Variants in EPHA10 observed in about 807,000 individuals in gnomAD.
EPHA10 encodes the protein ephrin type-A receptor 10.
A neutral mutation model predicts 109.7 loss-of-function variants in EPHA10; 120 were observed. The observed-to-expected ratio is 1.09, with a 90% CI of 0.94 to 1.27. The LOEUF (loss-of-function observed/expected upper bound fraction) is 1.27. Among genes scored for constraint, EPHA10 ranks in the 50% most tolerant of loss-of-function variants. EPHA10 has a pLI of 0.00. For synonymous variants in EPHA10, 640 were observed against 618.9 expected, an observed-to-expected ratio of 1.03 and a Z score of -0.51; for missense variants, 1,396 against 1,411.1, an observed-to-expected ratio of 0.99 and a Z score of 0.17.
rs1025874612 is a variant in EPHA10 at position 37,718,347 on chromosome 1, C to T, written c.*25G>A. 6 of 1,570,544 alleles carry T rather than the reference C, an allele frequency of 3.8e-6. No homozygotes were observed. Among genetic ancestry groups the T allele is most frequent in the Admixed American group, 1.8e-5 (1 of 56,504 alleles). On this transcript the variant is annotated 3_prime_UTR_variant, in exon 17 of 17. Transcript: ENST00000373048. ...TGGGGGACTGGACCCCCACCGGAGT[C>T]CTGCCTTGGAAGAATGGGGTCCACT...
At chr1:37,748,710 A>T (rs974996771) in intron 5 of EPHA10, among the ~76,000 whole-genome samples, 14 of 152,150 alleles carry the variant, frequency 9.2e-5, no homozygotes, top group Non-Finnish European at 1.6e-4. Context: ...CCATTAATAG[A>T]ATTCATCATA....
In EPHA10 at chr1:37,761,832, A is replaced by G. The variant is rs1569773550; in HGVS notation, c.423T>C (p.Arg141=). 1 of 1,613,070 alleles carries G rather than the reference A, an allele frequency of 6.2e-7. No homozygotes were observed. Among genetic ancestry groups the G allele is most frequent in the African/African-American group, 1.3e-5 (1 of 74,954 alleles). The change falls in exon 3 of 17, where the codon CGT becomes CGC. Residue 141 remains arginine (R), a synonymous_variant. Transcript: ENST00000373048. ...GGGGCCGGCTGCCGCCTAGGCGGGG[A>G]CGCCCACGGCCCAGGTCGGCCTCAG... ...LETEADLGRG[R]PRLGGSRPRK... is the part of the protein sequence containing the mutation.
intron 5 of EPHA10, among the ~76,000 whole-genome samples, chr1:37,740,365 G>C (rs572104046): frequency 1.3e-5 from 2 of 152,174 alleles, no homozygotes; most frequent in South Asian, 4.2e-4. Flanking sequence ...GAGAGCAGGG[G>C]CGGGATCTCG....
chr1:37,732,863 C>CTATTTTTTTTTTT (rs1646008826), intron 6 of EPHA10, among the ~76,000 whole-genome samples: 1 of 25,006 alleles, frequency 4.0e-5, no homozygotes, highest in African/African-American at 1.3e-4. Context: ...TATACTTGTT[C>CTATTTTTTTTTTT]TTTTTTTTTT....
At chr1:37,757,992 C>A (rs142351023) in intron 3 of EPHA10, among the ~76,000 whole-genome samples, 45 of 152,322 alleles carry the variant, frequency 3.0e-4, no homozygotes, top group African/African-American at 9.6e-4. Context: ...TGAAGGCCAG[C>A]CCCTCTGTCT....
chr1:37,762,953 A>G, intron 1 of EPHA10, 104 bp from the exon 2 acceptor site: 5 of 1,101,018 alleles, frequency 4.5e-6, no homozygotes, highest in Non-Finnish European at 6.5e-6. Context: ...AGAGAATGCA[A>G]TATGTGACAA....
chr1:37,727,064 C>T, intron 8 of EPHA10, 38 bp downstream of exon 8: 1 of 1,543,216 alleles, frequency 6.5e-7, no homozygotes, highest in Non-Finnish European at 8.9e-7. Context: ...CGGGACATGA[C>T]CCACCAGGAG....
At chr1:37,729,493 A>G (rs949066920) in intron 7 of EPHA10, among the ~76,000 whole-genome samples, 1 of 152,208 alleles carries the variant, frequency 6.6e-6, no homozygotes, top group Non-Finnish European at 1.5e-5. Flanking sequence ...AGGCCAAGAC[A>G]GGAGAATTGC....
Position 37,736,253 on chromosome 1 carries a change from G to A in EPHA10, c.1358-863C>T, listed in dbSNP as rs116306202. Among the ~76,000 whole-genome samples, 444 of 152,198 alleles carry A rather than the reference G, an allele frequency of 2.9e-3. 5 individuals are homozygous for A. Among genetic ancestry groups the A allele is most frequent in the African/African-American group, 0.01 (434 of 41,544 alleles). ...ACTTGACGTCAGGTCGAGGCAGGTG[G>A]ACCACTTGAGGCCAGGAGTTCGAGA... On this transcript the variant is annotated intron_variant, in intron 5 of 16. Transcript: ENST00000373048.
At chr1:37,722,428 A>T (rs944987337) in intron 10 of EPHA10, 2 of 234,942 alleles carry the variant, frequency 8.5e-6, no homozygotes, top group Non-Finnish European at 1.7e-5. Context: ...GTCTGGAGAC[A>T]GTGTCAGGGG....
intron 10 of EPHA10, chr1:37,722,401 C>T (rs986110876): frequency 8.9e-6 from 2 of 223,792 alleles, no homozygotes; most frequent in Non-Finnish European, 1.8e-5. Flanking sequence ...TGCCCCTTTC[C>T]GGCTTCTGTC....
intron 3 of EPHA10, among the ~76,000 whole-genome samples, chr1:37,755,522 A>AAC (rs1057429815): frequency 6.6e-6 from 1 of 152,104 alleles, no homozygotes; most frequent in Non-Finnish European, 1.5e-5. Context: ...CACTTCTCAG[A>AAC]ACACAGGTTG....
At chr1:37,719,806 G>C (rs1569619701) in intron 14 of EPHA10, 103 bp downstream of exon 14, 1 of 1,574,760 alleles carries the variant, frequency 6.4e-7, no homozygotes, top group African/African-American at 1.4e-5. Context: ...AGAGAAGAGG[G>C]GCCTGAGGCA....
At chr1:37,738,298 C>A (rs970212924) in intron 5 of EPHA10, among the ~76,000 whole-genome samples, 22 of 151,892 alleles carry the variant, frequency 1.4e-4, no homozygotes, top group African/African-American at 5.1e-4. Context: ...ACCTGGGAGG[C>A]AGAGGTTGCA....
At chr1:37,758,921 T>G (rs1646411225) in intron 3 of EPHA10, among the ~76,000 whole-genome samples, 2 of 152,316 alleles carry the variant, frequency 1.3e-5, no homozygotes, top group African/African-American at 2.4e-5. Flanking sequence ...CCCAGTAGCA[T>G]GTAAGTCAAA....
downstream of EPHA10, among the ~76,000 whole-genome samples, chr1:37,715,415 C>A (rs59065351): frequency 0.035 from 5,330 of 152,182 alleles, 308 homozygotes; most frequent in African/African-American, 0.12. Flanking sequence ...TCCCCTTCAT[C>A]CAGGTGCCTC....
At chr1:37,750,369 A>G (rs899305841) in intron 5 of EPHA10, among the ~76,000 whole-genome samples, 1 of 152,196 alleles carries the variant, frequency 6.6e-6, no homozygotes. Flanking sequence ...AAATCACAAT[A>G]GAGACAATAA....
chr1:37,751,236 G>GAAAAAAAAAAA (rs1646320388), intron 5 of EPHA10, among the ~76,000 whole-genome samples: 1 of 73,834 alleles, frequency 1.4e-5, no homozygotes, highest in Admixed American at 1.7e-4. Flanking sequence ...GAAAGAAAAA[G>GAAAAAAAAAAA]AAAAAGAAAA....
At position 37,727,026 on chromosome 1, in the gene EPHA10, G is replaced by C. The variant is rs1249817346; in HGVS notation, c.1772+76C>G. ...TCTGCGTGTGTGCAAAGTGGGCAGAGATGCCTGTGAGCACACATTAATGTG... is the reference window on the plus strand; with the variant it reads ...TCTGCGTGTGTGCAAAGTGGGCAGACATGCCTGTGAGCACACATTAATGTG... On this transcript the variant is annotated intron_variant, in intron 8 of 16. Coordinates refer to ENST00000373048, the MANE Select transcript of EPHA10 (RefSeq NM_001099439.2). The C allele has an allele frequency of 1.2e-5, 14 of 1,193,326 alleles. No individual in the cohort carries two copies. In the African/African-American group the frequency reaches 2.0e-4, roughly 17 times the overall value. The allele number at this position is 1,193,326 out of a possible 1,614,324, so 73.9% of individuals were successfully genotyped here. A position where few individuals can be genotyped will look rare whatever the true frequency, so the allele number is the denominator to read the frequency against.
Sources: allele counts gnomAD v4.1 joint callset (sites outside exome capture counted in the v4.1 genomes callset), GRCh38; gene constraint gnomAD v4.1.1; transcripts MANE v1.5; gene names NCBI Gene and HGNC (gene_info 2026-07-23, HGNC 2026-07-21).